Variants in CTNNA2 observed in about 807,000 individuals in gnomAD.
The protein encoded by CTNNA2 is catenin alpha-2.
CTNNA2 carries 42 observed loss-of-function variants against 101.0 expected under a neutral mutation model. That is an observed-to-expected ratio of 0.42 (90% CI 0.32 to 0.54). The LOEUF (loss-of-function observed/expected upper bound fraction) is 0.54, where lower values mean the gene tolerates loss of function less well. Among genes scored for constraint, CTNNA2 ranks in the 20% least tolerant of loss-of-function variants. CTNNA2 has a pLI of 0.14. For missense variants in CTNNA2, 871 were observed against 1,223.1 expected, an observed-to-expected ratio of 0.71 and a Z score of 4.29; for synonymous variants, 450 against 456.4, an observed-to-expected ratio of 0.99 and a Z score of 0.18.
intron 3 of CTNNA2, among the ~76,000 whole-genome samples, chr2:79,326,752 A>G (rs925768431): frequency 2.0e-5 from 3 of 152,204 alleles, no homozygotes; most frequent in African/African-American, 7.2e-5. Context: ...TAGAGCTTCA[A>G]GTTGTGTTTT....
At chr2:80,285,413 A>C (rs1036486588) in intron 7 of CTNNA2, among the ~76,000 whole-genome samples, 10 of 152,208 alleles carry the variant, frequency 6.6e-5, no homozygotes, top group Non-Finnish European at 1.3e-4. Context: ...AGTCAGTGTC[A>C]TACTCAAATG....
intron 1 of CTNNA2, among the ~76,000 whole-genome samples, chr2:79,608,418 G>C (rs893169056): frequency 1.2e-4 from 18 of 152,098 alleles, no homozygotes; most frequent in African/African-American, 4.3e-4. Flanking sequence ...TATATGGCCA[G>C]CATTACCTGA....
chr2:79,790,497 C>T (rs1349879438), intron 3 of CTNNA2, among the ~76,000 whole-genome samples: 1 of 152,088 alleles, frequency 6.6e-6, no homozygotes, highest in Non-Finnish European at 1.5e-5. Context: ...GGGCTATATA[C>T]TAATGAATTG....
chr2:79,957,758 A>C (rs1689340640), intron 7 of CTNNA2, among the ~76,000 whole-genome samples: 1 of 152,192 alleles, frequency 6.6e-6, no homozygotes. Context: ...ATTTGTTGAG[A>C]AGTTCTAATG....
At chr2:79,457,333 G>A (rs1457511218) in intron 4 of CTNNA2, among the ~76,000 whole-genome samples, 3 of 152,104 alleles carry the variant, frequency 2.0e-5, no homozygotes, top group African/African-American at 7.2e-5. Flanking sequence ...AAAGTCCACA[G>A]CAAACATGCA....
chr2:79,201,326 GGTT>G (rs1306155756), intron 2 of CTNNA2, among the ~76,000 whole-genome samples: 1 of 152,088 alleles, frequency 6.6e-6, no homozygotes, highest in Non-Finnish European at 1.5e-5. Context: ...AAGACCAGCT[GGTT>G]GTTCATCTTA....
At chr2:80,172,019 G>A (rs1705092202) in intron 7 of CTNNA2, among the ~76,000 whole-genome samples, 1 of 152,162 alleles carries the variant, frequency 6.6e-6, no homozygotes, top group Non-Finnish European at 1.5e-5. Context: ...TTATGAGGGT[G>A]CATGTAAAGC....
intron 7 of CTNNA2, among the ~76,000 whole-genome samples, chr2:79,917,076 T>TTTG (rs1686294432): frequency 1.1e-5 from 1 of 87,936 alleles, no homozygotes; most frequent in Non-Finnish European, 2.2e-5. Flanking sequence ...TATTTATTTA[T>TTTG]TTATTTATTT....
Position 80,043,042 on chromosome 2 carries a change from TC to T in CTNNA2, c.1056+133246del, listed in dbSNP as rs1314722109. ...CCCTTTCTTTCTTTCTTTCTTTCCT[TC>T]TTTCTTTCTTTCTTTCTTTCTTTCT... On this transcript the variant is annotated intron_variant, in intron 7 of 18. Coordinates refer to ENST00000402739, the MANE Select transcript of CTNNA2 (RefSeq NM_001282597.3). 5.8e-4 allele frequency among the ~76,000 whole-genome samples: 6 copies of T among 10,282 alleles called. No homozygotes were observed. The East Asian group carries it at 0.016, about 28-fold the overall frequency. 6.7% of individuals were successfully genotyped at this position (10,282 alleles called of 152,430 possible).
At chr2:79,594,380 C>T (rs937892701) in intron 1 of CTNNA2, among the ~76,000 whole-genome samples, 6 of 152,090 alleles carry the variant, frequency 3.9e-5, no homozygotes, top group African/African-American at 1.4e-4. Flanking sequence ...TTTTATGATC[C>T]TAGGTGATTT....
intron 4 of CTNNA2, among the ~76,000 whole-genome samples, chr2:79,474,712 A>C (rs543493485): frequency 4.1e-4 from 62 of 152,202 alleles, no homozygotes; most frequent in Non-Finnish European, 7.9e-4. Flanking sequence ...TCCAAACGAA[A>C]TTATTATGAG....
intron 4 of CTNNA2, among the ~76,000 whole-genome samples, chr2:79,859,064 T>C (rs1305200139): frequency 6.6e-6 from 1 of 151,868 alleles, no homozygotes; most frequent in African/African-American, 2.4e-5. Context: ...CTCCATACCC[T>C]CAGTGAAATA....
intron 4 of CTNNA2, among the ~76,000 whole-genome samples, chr2:79,442,512 C>A (rs1678787701): frequency 6.6e-6 from 1 of 152,174 alleles, no homozygotes; most frequent in Admixed American, 6.6e-5. Flanking sequence ...GGCTTCCAAT[C>A]TTATTTGAGA....
intron 1 of CTNNA2, among the ~76,000 whole-genome samples, chr2:79,513,414 C>T (rs1437065486): frequency 6.6e-6 from 1 of 152,024 alleles, no homozygotes; most frequent in Non-Finnish European, 1.5e-5. Context: ...TTCCTTCCCA[C>T]CCTTTCTTTC....
chr2:79,235,602 G>A lies in CTNNA2; in HGVS notation c.-406+37526G>A, dbSNP rs75438816. Among the ~76,000 whole-genome samples, 553 of 152,288 alleles carry A rather than the reference G, an allele frequency of 3.6e-3. 12 individuals are homozygous for A. In the East Asian group the frequency reaches 0.062, roughly 17 times the overall value. Reference sequence around the variant, plus strand: ...CCTTGACAGGCCTGCCCTGCAGAAGGAGGCACACACCACTCCTCCATAGGC... The same window carrying A: ...CCTTGACAGGCCTGCCCTGCAGAAGAAGGCACACACCACTCCTCCATAGGC... On this transcript the variant is annotated intron_variant, in intron 2 of 21. Transcript: ENST00000466387.
intron 1 of CTNNA2, among the ~76,000 whole-genome samples, chr2:79,548,911 C>G (rs1673909409): frequency 6.6e-6 from 1 of 152,146 alleles, no homozygotes; most frequent in South Asian, 2.1e-4. Flanking sequence ...TACCCAACTC[C>G]CAATCCCAGG....
At chr2:79,998,822 C>G (rs916520240) in intron 7 of CTNNA2, among the ~76,000 whole-genome samples, 2 of 152,158 alleles carry the variant, frequency 1.3e-5, no homozygotes, top group African/African-American at 2.4e-5. Context: ...CCCTCCCCAA[C>G]CCCCAGGAGA....
At chr2:79,664,156 G>A (rs2104542859) in intron 2 of CTNNA2, among the ~76,000 whole-genome samples, 1 of 152,192 alleles carries the variant, frequency 6.6e-6, no homozygotes, top group African/African-American at 2.4e-5. Context: ...ATAATAAAAG[G>A]CATAGTATAA....
chr2:79,343,964 A>T (rs1677198220), intron 3 of CTNNA2, among the ~76,000 whole-genome samples: 1 of 152,156 alleles, frequency 6.6e-6, no homozygotes, highest in African/African-American at 2.4e-5. Flanking sequence ...TGTGGTACGG[A>T]TCTAAGATCC....
Sources: gnomAD v4.1 joint callset for allele counts (sites outside exome capture counted in the v4.1 genomes callset) on GRCh38, gnomAD v4.1.1 for gene constraint, MANE v1.5 for transcripts, NCBI Gene and HGNC (gene_info 2026-07-23, HGNC 2026-07-21) for gene names.